The following NEDD4 variants were observed in gnomAD, a reference collection of about 807,000 sequenced individuals.
NEDD4 encodes NEDD4 E3 ubiquitin protein ligase.
NEDD4 carries 99 observed loss-of-function variants against 144.9 expected under a neutral mutation model. The ratio of observed to expected loss-of-function variants is 0.68; its 90% CI spans 0.58 to 0.81. The LOEUF is 0.81. Ranked by LOEUF, NEDD4 falls within the 30% of genes least tolerant of loss-of-function variation. The pLI, the probability that NEDD4 is intolerant of heterozygous loss-of-function variation, is 0.00. For synonymous variants in NEDD4, 318 were observed against 350.6 expected (o/e 0.91, Z 1.04); for missense variants, 985 against 1,065.9 (o/e 0.92, Z 1.06).
At chr15:55,923,146 T>C (rs1595847980) in intron 5 of NEDD4, among the ~76,000 whole-genome samples, 1 of 152,092 alleles carries the variant, frequency 6.6e-6, no homozygotes, top group Non-Finnish European at 1.5e-5. Context: ...ACTGCGCCAC[T>C]GCACTCCAGC....
chr15:55,962,024 C>A (rs979418087), intron 2 of NEDD4, among the ~76,000 whole-genome samples: 44 of 151,912 alleles, frequency 2.9e-4, no homozygotes, highest in African/African-American at 9.7e-4. Flanking sequence ...TTAAAAAGTT[C>A]CCCTTTAATT....
Position 55,840,428 on chromosome 15 carries a change from A to G in NEDD4, c.2031+19T>C, listed in dbSNP as rs991025163. The G allele has an allele frequency of 5.0e-6, 8 of 1,606,004 alleles. No individual in the cohort carries two copies. Among genetic ancestry groups the G allele is most frequent in the African/African-American group, 1.3e-5 (1 of 74,614 alleles). Reference sequence around the variant, plus strand: ...TGTTAAATTATACTTCGTCTATACTATAAGTGAAAAAGACATACCACAGAT... The same window carrying G: ...TGTTAAATTATACTTCGTCTATACTGTAAGTGAAAAAGACATACCACAGAT... On this transcript the variant is annotated intron_variant, in intron 21 of 28. Transcript: ENST00000435532.
At chr15:55,865,691 G>A (rs1455196964) in intron 8 of NEDD4, among the ~76,000 whole-genome samples, 1 of 152,144 alleles carries the variant, frequency 6.6e-6, no homozygotes, top group Non-Finnish European at 1.5e-5. Flanking sequence ...GTGACAGGCA[G>A]TGGACGGCTT....
intron 14 of NEDD4, among the ~76,000 whole-genome samples, chr15:55,850,340 C>A (rs2033932819): frequency 6.6e-6 from 1 of 152,140 alleles, no homozygotes; most frequent in African/African-American, 2.4e-5. Context: ...ACATGAATAT[C>A]TCCATCATAA....
intron 14 of NEDD4, 108 bp from the exon 15 acceptor site, chr15:55,848,994 G>A: frequency 3.6e-6 from 3 of 842,466 alleles, no homozygotes; most frequent in East Asian, 2.5e-5. Flanking sequence ...ATATTCTCTT[G>A]TAAAAGTCAA....
chr15:55,875,712 A>G (rs1310506880), intron 5 of NEDD4, among the ~76,000 whole-genome samples: 1 of 152,202 alleles, frequency 6.6e-6, no homozygotes, highest in Non-Finnish European at 1.5e-5. Context: ...GGAGAAAAGT[A>G]TGAACTTGAA....
At position 55,841,917 on chromosome 15, in the gene NEDD4, A is replaced by G. The variant is rs1318824661; in HGVS notation, c.1838+17T>C. On this transcript the variant is annotated intron_variant, in intron 19 of 28. Coordinates refer to ENST00000435532, the MANE Select transcript of NEDD4 (RefSeq NM_006154.4). Reference sequence around the variant, plus strand: ...GATTTTTCTTTTTCTGCCGATAATCATTGTAAAGGTACTTACGTAGCAGAA... The same window carrying G: ...GATTTTTCTTTTTCTGCCGATAATCGTTGTAAAGGTACTTACGTAGCAGAA... The G allele has an allele frequency of 3.8e-6, 6 of 1,586,506 alleles. No individual in the cohort carries two copies. Among genetic ancestry groups the G allele is most frequent in the South Asian group, 3.3e-5 (3 of 90,474 alleles).
intron 5 of NEDD4, among the ~76,000 whole-genome samples, chr15:55,879,690 A>G (rs2035115392): frequency 6.6e-6 from 1 of 152,150 alleles, no homozygotes; most frequent in Non-Finnish European, 1.5e-5. Flanking sequence ...GAGATGAACC[A>G]CCTGTCAAAC....
chr15:55,878,433 A>G (rs1319202747), intron 5 of NEDD4, among the ~76,000 whole-genome samples: 16 of 152,198 alleles, frequency 1.1e-4, no homozygotes, highest in African/African-American at 3.9e-4. Flanking sequence ...ATCACTATTA[A>G]TCATCAGGGA....
intron 1 of NEDD4, among the ~76,000 whole-genome samples, chr15:55,982,846 G>T (rs992994975): frequency 9.9e-5 from 15 of 152,140 alleles, no homozygotes; most frequent in African/African-American, 3.4e-4. Context: ...CTAGGGCTGG[G>T]GGTGGTGGCT....
intron 2 of NEDD4, among the ~76,000 whole-genome samples, chr15:55,958,282 G>A (rs1190320924): frequency 6.6e-6 from 1 of 152,180 alleles, no homozygotes. Flanking sequence ...CAAGTGAAAT[G>A]ACCATGTGTT....
intron 5 of NEDD4, among the ~76,000 whole-genome samples, chr15:55,893,717 T>C (rs542175258): frequency 6.6e-6 from 1 of 150,810 alleles, no homozygotes; most frequent in East Asian, 1.9e-4. Flanking sequence ...AAACCATATT[T>C]TTCTGCTTGC....
chr15:55,837,349 G>A (rs1417364668), intron 24 of NEDD4, among the ~76,000 whole-genome samples: 2 of 151,052 alleles, frequency 1.3e-5, no homozygotes, highest in Non-Finnish European at 2.9e-5. Flanking sequence ...AGAATTGCTT[G>A]AACCTGGGAG....
intron 5 of NEDD4, among the ~76,000 whole-genome samples, chr15:55,919,566 T>C (rs2036530796): frequency 6.6e-6 from 1 of 152,200 alleles, no homozygotes; most frequent in African/African-American, 2.4e-5. Context: ...GGGAACTTGC[T>C]ATAAAATGTA....
chr15:55,856,273 G>C (rs2034191558), intron 11 of NEDD4, 77 bp from the exon 12 acceptor site: 1 of 1,266,542 alleles, frequency 7.9e-7, no homozygotes. Context: ...AGGTAGTGAG[G>C]GTAAATATGA....
chr15:55,924,357 A>G, intron 5 of NEDD4: 1 of 292,932 alleles, frequency 3.4e-6, no homozygotes, highest in Non-Finnish European at 6.5e-6. Context: ...AGTGAGAGGG[A>G]AGGCAGGACA....
intron 1 of NEDD4, among the ~76,000 whole-genome samples, chr15:55,984,495 T>C (rs2037858137): frequency 6.6e-6 from 1 of 152,214 alleles, no homozygotes; most frequent in African/African-American, 2.4e-5. Flanking sequence ...AGTTGCTATT[T>C]ATTTAGGTTG....
chr15:55,934,522 A>C (rs1197827988), intron 4 of NEDD4, among the ~76,000 whole-genome samples: 1 of 152,222 alleles, frequency 6.6e-6, no homozygotes, highest in Non-Finnish European at 1.5e-5. Flanking sequence ...CAATATATGA[A>C]TAGAAAGTAT....
chr15:55,979,031 C>T (rs1198672735), intron 1 of NEDD4, among the ~76,000 whole-genome samples: 13 of 151,378 alleles, frequency 8.6e-5, no homozygotes, highest in African/African-American at 3.2e-4. Flanking sequence ...TCTCCCATTC[C>T]TCTGTTGTCC....
Sources: allele counts gnomAD v4.1 joint callset (sites outside exome capture counted in the v4.1 genomes callset), GRCh38; gene constraint gnomAD v4.1.1; transcripts MANE v1.5; gene names NCBI Gene and HGNC (gene_info 2026-07-23, HGNC 2026-07-21).